Variants in LMNTD1 observed in about 807,000 individuals in gnomAD.
LMNTD1 encodes lamin tail domain containing 1, also known as lamin tail domain-containing protein 1.
LMNTD1 carries 35 observed loss-of-function variants against 50.9 expected under a neutral mutation model. The ratio of observed to expected loss-of-function variants is 0.69; its 90% CI spans 0.53 to 0.91. LMNTD1 has a LOEUF of 0.91. LMNTD1 is among the 40% of genes least tolerant of loss of function. The pLI, the probability that LMNTD1 is intolerant of heterozygous loss-of-function variation, is 0.00. For synonymous variants in LMNTD1, 153 were observed against 161.9 expected, an observed-to-expected ratio of 0.94 and a Z score of 0.42; for missense variants, 470 against 475.5, an observed-to-expected ratio of 0.99 and a Z score of 0.11.
In LMNTD1 at chr12:25,545,249, G is replaced by A. The variant is rs577012617; in HGVS notation, c.491+1125C>T. On this transcript the variant is annotated intron_variant, in intron 4 of 9. Transcript: ENST00000458174. ...CTGGATACACTATTCTTGGATAGCA[G>A]GGTTTTAACACATTAAAAACATTGT... is the stretch of plus-strand genomic sequence containing the variant. Among the ~76,000 whole-genome samples, 39 of 151,614 alleles carry A rather than the reference G, an allele frequency of 2.6e-4. No homozygotes were observed. The East Asian group carries it at 7.6e-3, about 29-fold the overall frequency.
intron 1 of LMNTD1, among the ~76,000 whole-genome samples, chr12:25,583,274 G>A (rs1193722604): frequency 2.0e-5 from 3 of 149,758 alleles, no homozygotes; most frequent in South Asian, 2.1e-4. Context: ...TGATCCACCC[G>A]CCTCGGCCTC....
chr12:25,632,905 T>C (rs1946751271), intron 1 of LMNTD1, among the ~76,000 whole-genome samples: 2 of 152,004 alleles, frequency 1.3e-5, no homozygotes, highest in South Asian at 4.2e-4. Context: ...ACCAACCAAC[T>C]ATCTGTTGCC....
intron 1 of LMNTD1, among the ~76,000 whole-genome samples, chr12:25,626,227 G>A (rs930245758): frequency 6.6e-6 from 1 of 152,132 alleles, no homozygotes; most frequent in Non-Finnish European, 1.5e-5. Context: ...GGAGGTTCCT[G>A]AGATGCTGTG....
chr12:25,611,248 T>C (rs770046003), intron 1 of LMNTD1, among the ~76,000 whole-genome samples: 1 of 152,136 alleles, frequency 6.6e-6, no homozygotes, highest in Non-Finnish European at 1.5e-5. Context: ...TATGTTTAGG[T>C]GTTATGATAT....
chr12:25,646,471 C>G (rs1947073969), intron 1 of LMNTD1, among the ~76,000 whole-genome samples: 1 of 152,170 alleles, frequency 6.6e-6, no homozygotes. Context: ...CTGCCAGTAT[C>G]CAACCTAGCC....
chr12:25,478,874 ATG>A (rs1938354381), intron 9 of LMNTD1, among the ~76,000 whole-genome samples: 1 of 144,960 alleles, frequency 6.9e-6, no homozygotes, highest in African/African-American at 2.5e-5. Context: ...TCAGCAGGTC[ATG>A]ATTTTTTTTT....
intron 9 of LMNTD1, among the ~76,000 whole-genome samples, chr12:25,490,716 T>C (rs553266190): frequency 3.9e-4 from 59 of 152,316 alleles, no homozygotes; most frequent in Middle Eastern, 3.4e-3. Flanking sequence ...CCTAATTGAA[T>C]ACAGACATTA....
chr12:25,536,998 C>G (rs1942641209), intron 4 of LMNTD1, among the ~76,000 whole-genome samples: 1 of 152,248 alleles, frequency 6.6e-6, no homozygotes, highest in East Asian at 1.9e-4. Context: ...TCACTCCCAC[C>G]CGAATACTGC....
intron 1 of LMNTD1, among the ~76,000 whole-genome samples, chr12:25,585,097 G>T (rs1168982740): frequency 6.6e-6 from 1 of 152,232 alleles, no homozygotes; most frequent in African/African-American, 2.4e-5. Context: ...GATGAGAAGA[G>T]AGTCTGGGGC....
chr12:25,497,283 C>T (rs781447968), intron 9 of LMNTD1, among the ~76,000 whole-genome samples: 35 of 152,078 alleles, frequency 2.3e-4, no homozygotes, highest in Non-Finnish European at 4.3e-4. Context: ...CCGGCCCCTC[C>T]TCTTCCTGTG....
intron 1 of LMNTD1, among the ~76,000 whole-genome samples, chr12:25,628,948 G>T (rs1004828139): frequency 1.3e-5 from 2 of 152,152 alleles, no homozygotes; most frequent in African/African-American, 2.4e-5. Flanking sequence ...TCATGTTAAG[G>T]AGAAGCACTT....
intron 1 of LMNTD1, among the ~76,000 whole-genome samples, chr12:25,629,019 G>A (rs1946656108): frequency 6.6e-6 from 1 of 152,102 alleles, no homozygotes; most frequent in African/African-American, 2.4e-5. Flanking sequence ...TATAAATAAT[G>A]AAAATTGTAA....
intron 1 of LMNTD1, among the ~76,000 whole-genome samples, chr12:25,593,207 T>C (rs888525758): frequency 6.6e-6 from 1 of 152,000 alleles, no homozygotes; most frequent in Non-Finnish European, 1.5e-5. Flanking sequence ...CATACTACCA[T>C]AGCTAATGCT....
At position 25,507,344 on chromosome 12, in the gene LMNTD1, A is replaced by T. The variant is rs888355762; in HGVS notation, c.1190-3544T>A. Among the ~76,000 whole-genome samples the T allele has an allele frequency of 1.2e-4, 18 of 152,340 alleles. 2 individuals carry two copies. The highest frequency in any genetic ancestry group is 1.2e-3 in the Admixed American group (18 of 15,290). On this transcript the variant is annotated intron_variant, in intron 8 of 9. Transcript: ENST00000458174. ...GTATTCAAATTCACCTAATTATCTT[A>T]AAAAATGTCTGTTCTGGCTGTGATT...
At chr12:25,518,740 CAT>C in intron 8 of LMNTD1, 53 bp downstream of exon 8, 1 of 1,472,792 alleles carries the variant, frequency 6.8e-7, no homozygotes, top group Non-Finnish European at 9.5e-7. Context: ...CTAGTTAACA[CAT>C]GTGCATGCAC....
At chr12:25,590,268 G>T (rs1248180010) in intron 1 of LMNTD1, among the ~76,000 whole-genome samples, 5 of 152,290 alleles carry the variant, frequency 3.3e-5, no homozygotes, top group South Asian at 4.1e-4. Context: ...CACAGCAATT[G>T]TGAGGCACTG....
At chr12:25,481,425 ATATTTAAGTTG>A (rs1283226781) in intron 9 of LMNTD1, among the ~76,000 whole-genome samples, 2 of 152,134 alleles carry the variant, frequency 1.3e-5, no homozygotes, top group Non-Finnish European at 2.9e-5. Flanking sequence ...AAGTCATTCT[ATATTTAAGTTG>A]TTTGCAAATA....
chr12:25,560,729 G>C (rs1944268798), intron 1 of LMNTD1, among the ~76,000 whole-genome samples: 1 of 151,880 alleles, frequency 6.6e-6, no homozygotes, highest in Non-Finnish European at 1.5e-5. Flanking sequence ...TTGAGCAGTG[G>C]TTTGTGTTTC....
At chr12:25,523,890 AAG>A (rs1941520158) in intron 6 of LMNTD1, among the ~76,000 whole-genome samples, 1 of 151,416 alleles carries the variant, frequency 6.6e-6, no homozygotes, top group African/African-American at 2.4e-5. Flanking sequence ...AAAGGGAGGG[AAG>A]AGAGCCTATT....
Sources: allele counts gnomAD v4.1 joint callset (sites outside exome capture counted in the v4.1 genomes callset), GRCh38; gene constraint gnomAD v4.1.1; transcripts MANE v1.5; gene names NCBI Gene and HGNC (gene_info 2026-07-23, HGNC 2026-07-21).